The following WDFY4 variants were observed in gnomAD, a reference collection of about 807,000 sequenced individuals.
WDFY4 encodes the protein WDFY family member 4.
In WDFY4, 169 loss-of-function variants were observed where a neutral mutation model predicts 351.9. That is an observed-to-expected ratio of 0.48 (90% CI 0.42 to 0.55). The LOEUF is 0.55. Ranked by LOEUF, WDFY4 falls within the 20% of genes least tolerant of loss-of-function variation. WDFY4 has a pLI of 0.00. For missense variants in WDFY4, 3,803 were observed against 3,935.6 expected (o/e 0.97, Z 0.90); for synonymous variants, 1,622 against 1,574.6 (o/e 1.03, Z -0.71).
chr10:48,764,131 C>G (rs1213357282), intron 13 of WDFY4, among the ~76,000 whole-genome samples: 1 of 152,234 alleles, frequency 6.6e-6, no homozygotes, highest in African/African-American at 2.4e-5. Context: ...TCTCTCTCCT[C>G]TATGGATGAG....
intron 61 of WDFY4, among the ~76,000 whole-genome samples, chr10:48,982,306 C>A (rs1156901047): frequency 6.6e-6 from 1 of 151,794 alleles, no homozygotes; most frequent in African/African-American, 2.4e-5. Flanking sequence ...GAGCCACCAC[C>A]CTCACAGCTC....
chr10:48,957,098 C>T (rs544055318), intron 51 of WDFY4, 31 bp from the exon 52 acceptor site: 64 of 1,538,204 alleles, frequency 4.2e-5, no homozygotes, highest in South Asian at 3.5e-4. Flanking sequence ...CCAGTGAGAG[C>T]GGCTGGTCAT....
chr10:48,888,670 A>G (rs1303818025), intron 43 of WDFY4, among the ~76,000 whole-genome samples: 1 of 152,152 alleles, frequency 6.6e-6, no homozygotes, highest in Non-Finnish European at 1.5e-5. Context: ...AGCCGTACTG[A>G]CCACTTTCTG....
intron 22 of WDFY4, 48 bp from the exon 23 acceptor site, chr10:48,790,679 C>G (rs745607802): frequency 3.1e-5 from 47 of 1,531,036 alleles, no homozygotes; most frequent in Non-Finnish European, 2.6e-6. Flanking sequence ...TTTCCCATTG[C>G]AATGAAGCTG....
rs867174348 is a variant in WDFY4 at position 48,800,731 on chromosome 10, T to C, written c.4411-2555T>C. Among the ~76,000 whole-genome samples the C allele has an allele frequency of 1.1e-4, 6 of 56,410 alleles. No individual in the cohort carries two copies. The East Asian group carries it at 0.011, about 99-fold the overall frequency. The allele number at this position is 56,410 out of a possible 152,430, so 37.0% of individuals were successfully genotyped here. A position where few individuals can be genotyped will look rare whatever the true frequency, so the allele number is the denominator to read the frequency against. ...CTTTCTTTCTTTCTTTCATTCTTTCTTTTTTTTTTTTTTTGTTTTGAGATG... is the reference window on the plus strand; with the variant it reads ...CTTTCTTTCTTTCTTTCATTCTTTCCTTTTTTTTTTTTTTGTTTTGAGATG... On this transcript the variant is annotated intron_variant, in intron 24 of 61. Coordinates refer to ENST00000325239, the MANE Select transcript of WDFY4 (RefSeq NM_001394531.1).
intron 13 of WDFY4, among the ~76,000 whole-genome samples, chr10:48,766,751 T>G (rs969538393): frequency 1.3e-5 from 2 of 152,230 alleles, no homozygotes; most frequent in Non-Finnish European, 2.9e-5. Context: ...ACCTTGGTAA[T>G]GTTCCTTTTC....
At chr10:48,837,973 C>A (rs1244321904) in intron 39 of WDFY4, among the ~76,000 whole-genome samples, 1 of 152,152 alleles carries the variant, frequency 6.6e-6, no homozygotes, top group Non-Finnish European at 1.5e-5. Context: ...CGGAGGAGGG[C>A]AGAGCCCTGT....
chr10:48,810,172 A>G (rs965984802), intron 28 of WDFY4, among the ~76,000 whole-genome samples: 4 of 152,212 alleles, frequency 2.6e-5, no homozygotes, highest in Non-Finnish European at 5.9e-5. Flanking sequence ...ATGTGACTAC[A>G]TTGATGGTAA....
chr10:48,903,357 C>T (rs558607826), intron 47 of WDFY4, among the ~76,000 whole-genome samples: 2 of 152,168 alleles, frequency 1.3e-5, no homozygotes, highest in Non-Finnish European at 2.9e-5. Context: ...ATAAGAATCA[C>T]TCTGGCTGCT....
chr10:48,780,161 C>T lies in WDFY4; in HGVS notation c.3576+42C>T, dbSNP rs1369646929. 2.6e-6 allele frequency: 4 copies of T among 1,547,162 alleles called. No homozygotes were observed. The South Asian group carries it at 4.8e-5, about 18-fold the overall frequency. On this transcript the variant is annotated intron_variant, in intron 19 of 61. Coordinates refer to ENST00000325239, the MANE Select transcript of WDFY4 (RefSeq NM_001394531.1). ...AAGCTGCACTTGCCCCACAACCATA[C>T]CTCCTGCTACTACCCTGAAGTGGCC... is the stretch of plus-strand genomic sequence containing the variant.
chr10:48,745,722 G>A (rs1189583139), intron 12 of WDFY4: 4 of 559,754 alleles, frequency 7.1e-6, no homozygotes, highest in Non-Finnish European at 1.3e-5. Context: ...CTTGAGCCAG[G>A]CGCCCCACGT....
intron 19 of WDFY4, among the ~76,000 whole-genome samples, chr10:48,783,685 C>T (rs1470233067): frequency 1.3e-5 from 2 of 152,050 alleles, no homozygotes; most frequent in Non-Finnish European, 2.9e-5. Context: ...ATAGTGTGGC[C>T]TCGAAGTATA....
chr10:48,966,494 C>T, intron 54 of WDFY4, 32 bp from the exon 55 acceptor site: 1 of 1,540,766 alleles, frequency 6.5e-7, no homozygotes. Context: ...GGCATCTCTC[C>T]CCTCATGTGT....
intron 39 of WDFY4, among the ~76,000 whole-genome samples, chr10:48,849,463 C>T (rs1589747084): frequency 6.6e-6 from 1 of 152,100 alleles, no homozygotes; most frequent in African/African-American, 2.4e-5. Flanking sequence ...AAGACTTACC[C>T]CCAAAATTAT....
At chr10:48,923,050 C>T (rs1435201170) in intron 47 of WDFY4, among the ~76,000 whole-genome samples, 1 of 152,160 alleles carries the variant, frequency 6.6e-6, no homozygotes, top group East Asian at 1.9e-4. Flanking sequence ...TTTAAAAAAT[C>T]GTTTTTAAAA....
intron 12 of WDFY4, among the ~76,000 whole-genome samples, chr10:48,759,818 A>T (rs1446700554): frequency 3.9e-5 from 6 of 152,172 alleles, no homozygotes; most frequent in Admixed American, 1.3e-4. Flanking sequence ...CTGCCAGTTC[A>T]TAGTGCTTGA....
chr10:48,905,701 C>T, intron 47 of WDFY4, among the ~76,000 whole-genome samples: 1 of 152,342 alleles, frequency 6.6e-6, no homozygotes, highest in East Asian at 1.9e-4. Flanking sequence ...TGCGGACACC[C>T]CGCAGAGTGC....
Position 48,897,453 on chromosome 10 carries a change from G to C in WDFY4, c.7317-1G>C. 1.3e-6 allele frequency: 2 copies of C among 1,550,916 alleles called. No individual in the cohort carries two copies. Among genetic ancestry groups the C allele is most frequent in the Non-Finnish European group, 1.7e-6 (2 of 1,146,512 alleles). On this transcript the variant is annotated splice_acceptor_variant, in intron 44 of 61. Coordinates refer to ENST00000325239, the MANE Select transcript of WDFY4 (RefSeq NM_001394531.1). LOFTEE classifies it high-confidence loss of function. ...GCCCTGCATGCCTGTTTCCTTTTCA[G>C]CATCAGCGATCCGTTCATTTTCAAC...
intron 44 of WDFY4, among the ~76,000 whole-genome samples, chr10:48,894,218 T>C (rs1260636255): frequency 1.3e-5 from 2 of 152,250 alleles, no homozygotes; most frequent in East Asian, 3.8e-4. Flanking sequence ...TCTTTTCTCC[T>C]AAAAGCTCGT....
Sources: gnomAD v4.1 joint callset for allele counts (sites outside exome capture counted in the v4.1 genomes callset) on GRCh38, gnomAD v4.1.1 for gene constraint, MANE v1.5 for transcripts, NCBI Gene and HGNC (gene_info 2026-07-23, HGNC 2026-07-21) for gene names.